RAB6B: variants seen among roughly 807,000 people sequenced by gnomAD.
The protein encoded by RAB6B is RAB6B, member RAS oncogene family.
In RAB6B, 7 loss-of-function variants were observed where a neutral mutation model predicts 31.2. The ratio of observed to expected loss-of-function variants is 0.22; its 90% CI spans 0.13 to 0.42. The LOEUF is 0.42. Ranked by LOEUF, RAB6B falls within the 10% of genes least tolerant of loss-of-function variation. The probability of loss-of-function intolerance (pLI) is 1.00; values close to 1 mark genes in which losing one functional copy is unlikely to be tolerated. For missense variants in RAB6B, 149 were observed against 280.6 expected (o/e 0.53, Z 3.35); for synonymous variants, 105 against 104.9 (o/e 1.00, Z -0.01).
chr3:133,846,276 A>G (rs1032478703), intron 2 of RAB6B, among the ~76,000 whole-genome samples: 45 of 152,154 alleles, frequency 3.0e-4, no homozygotes, highest in Middle Eastern at 3.4e-3. Context: ...GTGAAACCCC[A>G]TCTCTACTAA....
chr3:133,873,736 G>A (rs553831315), intron 1 of RAB6B, among the ~76,000 whole-genome samples: 1 of 152,354 alleles, frequency 6.6e-6, no homozygotes, highest in South Asian at 2.1e-4. Flanking sequence ...GAAGGCAAGA[G>A]TTGGGGCACT....
At chr3:133,832,718 C>T (rs895203670) in intron 7 of RAB6B, among the ~76,000 whole-genome samples, 1 of 152,168 alleles carries the variant, frequency 6.6e-6, no homozygotes, top group African/African-American at 2.4e-5. Flanking sequence ...GGCTCCTGGG[C>T]AGAAGTGAAA....
chr3:133,834,651 T>C lies in RAB6B; in HGVS notation c.496-10A>G, dbSNP rs959186135. 4.3e-6 allele frequency: 7 copies of C among 1,613,754 alleles called. No individual in the cohort carries two copies. Among genetic ancestry groups the C allele is most frequent in the Non-Finnish European group, 5.9e-6 (7 of 1,179,782 alleles). On this transcript the variant is annotated splice_polypyrimidine_tract_variant and intron_variant, in intron 6 of 7. Coordinates refer to ENST00000285208, the MANE Select transcript of RAB6B (RefSeq NM_016577.4). ...CCACACGTCGAAAAAGCTGGAAAGA[T>C]GAAGAAATGCAGTGTGAACCCCAAC...
intron 2 of RAB6B, among the ~76,000 whole-genome samples, chr3:133,864,221 A>G (rs775475750): frequency 5.9e-5 from 9 of 151,408 alleles, no homozygotes; most frequent in African/African-American, 1.2e-4. Flanking sequence ...CATTACAACC[A>G]TGCATGAGGC....
Position 133,889,438 on chromosome 3 carries a change from A to G in RAB6B, c.70+5959T>C, listed in dbSNP as rs867107424. ...TATATATATATATATATATATATAT[A>G]TATATATTTATTTTGGGATGGAGTT... On this transcript the variant is annotated intron_variant, in intron 1 of 7. Transcript: ENST00000285208. Among the ~76,000 whole-genome samples, 7 of 70,782 alleles carry G rather than the reference A, an allele frequency of 9.9e-5. No homozygotes were observed. The East Asian group carries it at 1.7e-3, about 18-fold the overall frequency. 46.4% of individuals were successfully genotyped at this position (70,782 alleles called of 152,430 possible). A position where few individuals can be genotyped will look rare whatever the true frequency, so the allele number is the denominator to read the frequency against.
chr3:133,845,894 A>G (rs1204693176), intron 2 of RAB6B, among the ~76,000 whole-genome samples: 1 of 152,204 alleles, frequency 6.6e-6, no homozygotes, highest in Non-Finnish European at 1.5e-5. Context: ...AAATTAATAC[A>G]ATGGGTGACT....
intron 6 of RAB6B, 112 bp downstream of exon 6, chr3:133,838,054 C>A: frequency 8.8e-7 from 1 of 1,138,904 alleles, no homozygotes; most frequent in Admixed American, 1.8e-5. Context: ...TGGTTGGCTG[C>A]CCCAATCCCA....
Position 133,862,733 on chromosome 3 carries a change from G to C in RAB6B, c.129+1851C>G, listed in dbSNP as rs116632136. On this transcript the variant is annotated intron_variant, in intron 2 of 7. Transcript: ENST00000285208. ...CATGGAGGTAGGGCGAGATTTTGAG[G>C]AACTTGAATGACATGGGGAGGAGAT... 8.5e-3 allele frequency among the ~76,000 whole-genome samples: 1,289 copies of C among 152,226 alleles called. 10 individuals carry two copies. Among genetic ancestry groups the C allele is most frequent in the South Asian group, 0.026 (126 of 4,826 alleles).
At chr3:133,860,250 G>A (rs563191842) in intron 2 of RAB6B, among the ~76,000 whole-genome samples, 2 of 152,230 alleles carry the variant, frequency 1.3e-5, no homozygotes, top group Non-Finnish European at 2.9e-5. Flanking sequence ...AGGATCTTGA[G>A]AGAAAAAATC....
intron 7 of RAB6B, among the ~76,000 whole-genome samples, chr3:133,833,500 C>T (rs1014578155): frequency 3.3e-5 from 5 of 152,130 alleles, no homozygotes; most frequent in Non-Finnish European, 5.9e-5. Context: ...GCCTAGCTTC[C>T]CTCCAGGCCT....
At chr3:133,851,798 T>G (rs1045269814) in intron 2 of RAB6B, among the ~76,000 whole-genome samples, 1 of 152,160 alleles carries the variant, frequency 6.6e-6, no homozygotes, top group Non-Finnish European at 1.5e-5. Context: ...AGGAACTAAT[T>G]TGCATCTTCT....
chr3:133,864,712 T>C, intron 1 of RAB6B, 70 bp from the exon 2 acceptor site: 1 of 1,440,074 alleles, frequency 6.9e-7, no homozygotes, highest in South Asian at 1.1e-5. Context: ...CACACTGCAT[T>C]TGAAGAAAAG....
At chr3:133,839,684 G>A in intron 4 of RAB6B, 67 bp from the exon 5 acceptor site, 3 of 1,214,168 alleles carry the variant, frequency 2.5e-6, no homozygotes, top group Non-Finnish European at 3.7e-6. Context: ...GGGAAGGGGA[G>A]GTGTGAGCCA....
rs1170091914 is a variant in RAB6B, at chr3:133,853,029, CATCTGTAGT to C, written c.130-11375_130-11367del. 2.6e-5 allele frequency among the ~76,000 whole-genome samples: 4 copies of C among 152,310 alleles called. No homozygotes were observed. The East Asian group carries it at 7.7e-4, about 29-fold the overall frequency. ...TCCGATGCTAGTTTTTCCTCCTCTG[CATCTGTAGT>C]ACAGTCATATCTGTGGCTCCTACTT... is the stretch of plus-strand genomic sequence containing the variant. On this transcript the variant is annotated intron_variant, in intron 2 of 7. Transcript: ENST00000285208.
At position 133,841,294 on chromosome 3, in the gene RAB6B, C is replaced by T. The variant is rs776861578; in HGVS notation, c.280G>A (p.Asp94Asn). ...RDSTVAVVVYDITNLNSFQQT... is the reference protein window; with the variant it reads ...RDSTVAVVVYNITNLNSFQQT... ...GCAGAGCCTCACTCACTTGTGATGT[C>T]GTACACCACCACAGCCACCGTGGAG... Residue 94 changes from aspartate (D) to asparagine (N), a missense_variant, in exon 4 of 8, where the codon GAC becomes AAC. By Grantham distance (23) the Asp-to-Asn change is conservative (BLOSUM62 1). Around this residue, in one of 2 missense-constraint regions of RAB6B, gnomAD observed 75 missense variants for 180.1 expected, o/e 0.42. Coordinates refer to ENST00000285208, the MANE Select transcript of RAB6B (RefSeq NM_016577.4). 8.1e-6 allele frequency: 13 copies of T among 1,614,084 alleles called. No individual in the cohort carries two copies. The highest frequency in any genetic ancestry group is 1.7e-5 in the Admixed American group (1 of 60,030).
Position 133,841,373 on chromosome 3 carries a change from C to T in RAB6B, c.201G>A (p.Trp67Ter). ...LEDRTVRLQL[W>*]DTAGQERFRS... ...GGAACCTCTCCTGACCAGCTGTGTC[C>T]CAGAGCTGCAGTCGCACCTGTCTCA... is the stretch of plus-strand genomic sequence containing the variant. The change falls in exon 4 of 8, where the codon TGG becomes TGA. Residue 67 changes from tryptophan (W) to a stop codon, truncating the protein, a stop_gained. Coordinates refer to ENST00000285208, the MANE Select transcript of RAB6B (RefSeq NM_016577.4). LOFTEE classifies it high-confidence loss of function. 6.2e-7 allele frequency: 1 copy of T among 1,614,124 alleles called. No homozygotes were observed. Among genetic ancestry groups the T allele is most frequent in the Non-Finnish European group, 8.5e-7 (1 of 1,180,008 alleles).
At chr3:133,895,300 G>T (rs1936692994) in intron 1 of RAB6B, 97 bp downstream of exon 1, 2 of 1,331,340 alleles carry the variant, frequency 1.5e-6, no homozygotes, top group African/African-American at 1.4e-5. Flanking sequence ...GCAAGGAGGG[G>T]CCTTTCCGAG....
At chr3:133,893,362 C>T (rs1239080553) in intron 1 of RAB6B, among the ~76,000 whole-genome samples, 1 of 152,238 alleles carries the variant, frequency 6.6e-6, no homozygotes. Context: ...CAAGGCCTCC[C>T]TGTTCCCTGG....
At position 133,895,486 on chromosome 3, in the gene RAB6B, G is replaced by C. The variant is rs765407073; in HGVS notation, c.-20C>G. 1.1e-5 allele frequency: 18 copies of C among 1,610,632 alleles called. 1 individual carries two copies. The South Asian group carries it at 1.7e-4, about 15-fold the overall frequency. On this transcript the variant is annotated 5_prime_UTR_variant, in exon 1 of 8. Coordinates refer to ENST00000285208, the MANE Select transcript of RAB6B (RefSeq NM_016577.4). Reference sequence around the variant, plus strand: ...GGACATGGTGCTGGCAGCCGGGGCCGGGAGAGGAGGAGGAGGAAAAAGCGA... The same window carrying C: ...GGACATGGTGCTGGCAGCCGGGGCCCGGAGAGGAGGAGGAGGAAAAAGCGA...
Sources: gnomAD v4.1 joint callset for allele counts (sites outside exome capture counted in the v4.1 genomes callset) on GRCh38, gnomAD v4.1.1 for gene constraint, gnomAD v4.1.1 regional missense constraint, MANE v1.5 for transcripts, NCBI Gene and HGNC (gene_info 2026-07-23, HGNC 2026-07-21) for gene names.